Variants in SVEP1 observed in about 807,000 individuals in gnomAD.
SVEP1 encodes the protein sushi, von Willebrand factor type A, EGF and pentraxin domain containing 1, also known as sushi, von Willebrand factor type A, EGF and pentraxin domain-containing protein 1.
In SVEP1, 164 loss-of-function variants were observed where a neutral mutation model predicts 367.3. That is an observed-to-expected ratio of 0.45 (90% CI 0.39 to 0.51). The LOEUF is 0.51. Ranked by LOEUF, SVEP1 falls within the 20% of genes least tolerant of loss-of-function variation. The pLI is 0.00. For missense variants in SVEP1, 4,117 were observed against 4,425.3 expected, an observed-to-expected ratio of 0.93 and a Z score of 1.98; for synonymous variants, 1,666 against 1,611.6, an observed-to-expected ratio of 1.03 and a Z score of -0.81.
At position 110,494,916 on chromosome 9, in the gene SVEP1, AT is replaced by A. The variant is rs1564158846; in HGVS notation, c.1800+1898del. On this transcript the variant is annotated intron_variant, in intron 8 of 47. Transcript: ENST00000374469. ...CACAGTAGTGCAGATTAATCTCTCTATAAGTTTATGATCACAAAACTCAAAT... is the reference window on the plus strand; with the variant it reads ...CACAGTAGTGCAGATTAATCTCTCTAAAGTTTATGATCACAAAACTCAAAT... 3.1e-4 allele frequency among the ~76,000 whole-genome samples: 47 copies of A among 152,260 alleles called. 1 individual carries two copies. The highest frequency in any genetic ancestry group is 2.8e-3 in the Admixed American group (43 of 15,288).
intron 36 of SVEP1, among the ~76,000 whole-genome samples, chr9:110,426,074 G>A (rs1196734481): frequency 1.3e-5 from 2 of 152,094 alleles, no homozygotes; most frequent in Non-Finnish European, 2.9e-5. Context: ...GTTCATTAGG[G>A]GTAGTTTCTT....
chr9:110,571,698 A>G (rs956381431), intron 1 of SVEP1, among the ~76,000 whole-genome samples: 61 of 152,310 alleles, frequency 4.0e-4, no homozygotes, highest in African/African-American at 1.5e-3. Context: ...TCTAGTTTAC[A>G]TCATCTAGGG....
At chr9:110,384,006 T>G (rs953317273) in intron 43 of SVEP1, among the ~76,000 whole-genome samples, 12 of 151,868 alleles carry the variant, frequency 7.9e-5, no homozygotes, top group Admixed American at 2.6e-4. Flanking sequence ...GGTGGCCGCC[T>G]CTTCCCCCAG....
chr9:110,447,837 GA>G (rs1828626652), intron 24 of SVEP1, among the ~76,000 whole-genome samples: 1 of 152,168 alleles, frequency 6.6e-6, no homozygotes, highest in Non-Finnish European at 1.5e-5. Flanking sequence ...AGAGGAGAAT[GA>G]GAAAATGAAT....
At chr9:110,556,792 A>G (rs1312438881) in intron 1 of SVEP1, among the ~76,000 whole-genome samples, 1 of 152,136 alleles carries the variant, frequency 6.6e-6, no homozygotes, top group Non-Finnish European at 1.5e-5. Context: ...CTTGGCCATA[A>G]CGTTATCTTT....
chr9:110,393,243 C>T (rs1034354241), intron 40 of SVEP1, among the ~76,000 whole-genome samples: 8 of 152,124 alleles, frequency 5.3e-5, no homozygotes, highest in South Asian at 4.1e-4. Flanking sequence ...GAAAACACTC[C>T]GAATGTAATC....
At chr9:110,537,997 A>T (rs957671359) in intron 3 of SVEP1, among the ~76,000 whole-genome samples, 1 of 151,988 alleles carries the variant, frequency 6.6e-6, no homozygotes, top group African/African-American at 2.4e-5. Flanking sequence ...ATAAGATCTT[A>T]TAACAATAAG....
chr9:110,426,452 A>T (rs1828254371), intron 36 of SVEP1, among the ~76,000 whole-genome samples: 1 of 152,044 alleles, frequency 6.6e-6, no homozygotes, highest in Non-Finnish European at 1.5e-5. Context: ...AACTCATTTT[A>T]TGCAGGAGGA....
At chr9:110,485,410 C>G (rs1829261029) in intron 9 of SVEP1, among the ~76,000 whole-genome samples, 1 of 152,076 alleles carries the variant, frequency 6.6e-6, no homozygotes, top group South Asian at 2.1e-4. Context: ...GGGAGGGGAA[C>G]AACACACACT....
In SVEP1 at chr9:110,479,777, C is replaced by T. The variant is rs1417738786; in HGVS notation, c.2366-21G>A. 3 of 1,588,868 alleles carry T rather than the reference C, an allele frequency of 1.9e-6. No individual in the cohort carries two copies. In the African/African-American group the frequency reaches 4.1e-5, roughly 22 times the overall value. ...TTTTTCTAGAAAATGTTGGACAAAA[C>T]AGCTTCAGTTGGTTAGTGTTTTTAA... On this transcript the variant is annotated intron_variant, in intron 12 of 47. Transcript: ENST00000374469.
chr9:110,554,066 C>T (rs2118859670), intron 1 of SVEP1, among the ~76,000 whole-genome samples: 1 of 152,286 alleles, frequency 6.6e-6, no homozygotes, highest in East Asian at 1.9e-4. Flanking sequence ...AAATTATTTA[C>T]TGATTAAACT....
intron 3 of SVEP1, among the ~76,000 whole-genome samples, 172 bp downstream of exon 3, chr9:110,545,943 T>G (rs960008754): frequency 1.3e-5 from 2 of 152,154 alleles, no homozygotes; most frequent in Admixed American, 1.3e-4. Context: ...CCTACTCAAC[T>G]CACCGCTGAT....
At position 110,407,845 on chromosome 9, in the gene SVEP1, C is replaced by A; in HGVS notation, c.7755G>T (p.Gly2585=). The A allele has an allele frequency of 6.2e-7, 1 of 1,613,988 alleles. No homozygotes were observed. The highest frequency in any genetic ancestry group is 8.5e-7 in the Non-Finnish European group (1 of 1,179,896). The change falls in exon 38 of 48, where the codon GGG becomes GGT. Residue 2585 remains glycine, a synonymous_variant. Transcript: ENST00000374469. ...GAIIIYSCFP[G]FQVAGHAMQT... ...GCATGGCATGACCAGCCACCTGAAA[C>A]CCAGGGAAGCAACTGTAGATGATTA...
chr9:110,438,721 A>G (rs1024902215), intron 27 of SVEP1, among the ~76,000 whole-genome samples: 1 of 152,210 alleles, frequency 6.6e-6, no homozygotes, highest in South Asian at 2.1e-4. Flanking sequence ...GGTTGCAGGC[A>G]AAGAATTTCT....
intron 38 of SVEP1, among the ~76,000 whole-genome samples, chr9:110,405,500 G>A (rs375874757): frequency 6.4e-5 from 9 of 141,448 alleles, no homozygotes; most frequent in African/African-American, 1.6e-4. Context: ...GAATACCTAC[G>A]TGGACTCAGA....
In SVEP1 at chr9:110,407,645, TAAG is replaced by T; in HGVS notation, c.7952_7954del (p.Pro2651_Tyr2652delinsHis). ...GGTTTTAGCCACTGCTCCCAAATGA[TAAG>T]GAGGGTGAGGAGTCACATATGGAAC... On this transcript the variant is annotated inframe_deletion, in exon 38 of 48. Coordinates refer to ENST00000374469, the MANE Select transcript of SVEP1 (RefSeq NM_153366.4). 6.2e-7 allele frequency: 1 copy of T among 1,613,978 alleles called. No homozygotes were observed. Among genetic ancestry groups the T allele is most frequent in the Non-Finnish European group, 8.5e-7 (1 of 1,179,894 alleles).
rs746895369 is a variant in SVEP1 at position 110,445,858 on chromosome 9, A to G, written c.4442T>C (p.Leu1481Ser). The change falls in exon 26 of 48, where the codon TTG becomes TCG. Residue 1481 changes from leucine to serine, a missense_variant. By Grantham distance (145) the Leu-to-Ser change is moderately radical. Around this residue, in one of 4 missense-constraint regions of SVEP1, gnomAD observed 2,174 missense variants for 2,494.3 expected, o/e 0.87. Coordinates refer to ENST00000374469, the MANE Select transcript of SVEP1 (RefSeq NM_153366.4). ...TTACCCGTTATAATCAGTCAGGAGC[A>G]AGGTATTGTCGCTGCCGTTATCAAC... Reference protein sequence around the residue: ...YAVDNGSDNTLLLTDYNGWVL... With the variant: ...YAVDNGSDNTSLLTDYNGWVL... 1 of 1,613,860 alleles carries G rather than the reference A, an allele frequency of 6.2e-7. No individual in the cohort carries two copies. The highest frequency in any genetic ancestry group is 8.5e-7 in the Non-Finnish European group (1 of 1,179,786).
chr9:110,552,024 CTTTTTTTTTT>C (rs34366561), intron 1 of SVEP1, among the ~76,000 whole-genome samples: 1 of 77,006 alleles, frequency 1.3e-5, no homozygotes, highest in Admixed American at 1.7e-4. Context: ...GGTACCCAAC[CTTTTTTTTTT>C]TTTTTTTTTT....
intron 12 of SVEP1, among the ~76,000 whole-genome samples, 163 bp from the exon 13 acceptor site, chr9:110,479,919 G>C (rs73655370): frequency 6.6e-5 from 10 of 152,112 alleles, no homozygotes; most frequent in Non-Finnish European, 4.4e-5. Context: ...GGCATTAAAT[G>C]ATCATAATAA....
Sources: allele counts gnomAD v4.1 joint callset (sites outside exome capture counted in the v4.1 genomes callset), GRCh38; gene constraint gnomAD v4.1.1; regional missense constraint gnomAD v4.1.1; transcripts MANE v1.5; gene names NCBI Gene and HGNC (gene_info 2026-07-23, HGNC 2026-07-21).